WRAP53: variants seen among roughly 807,000 people sequenced by gnomAD.
WRAP53 encodes the protein telomerase Cajal body protein 1.
A neutral mutation model predicts 56.6 loss-of-function variants in WRAP53; 28 were observed. The ratio of observed to expected loss-of-function variants is 0.50; its 90% CI spans 0.37 to 0.68. The LOEUF is 0.68. Ranked by LOEUF, WRAP53 falls within the 30% of genes least tolerant of loss-of-function variation. The probability of loss-of-function intolerance (pLI) is 0.00; values close to 1 mark genes in which losing one functional copy is unlikely to be tolerated. For missense variants in WRAP53, 671 were observed against 715.5 expected, an observed-to-expected ratio of 0.94 and a Z score of 0.71; for synonymous variants, 283 against 283.4, an observed-to-expected ratio of 1.00 and a Z score of 0.01.
chr17:7,700,856 C>A, intron 5 of WRAP53, 27 bp downstream of exon 5: 1 of 1,547,008 alleles, frequency 6.5e-7, no homozygotes, highest in Non-Finnish European at 8.9e-7. Flanking sequence ...TCCCTGCTCG[C>A]CGCCCCACCA....
rs538474084 is a variant in WRAP53 at position 7,702,424 on chromosome 17, G to A, written c.1036G>A (p.Gly346Ser). Residue 346 changes from glycine to serine, a missense_variant, in exon 8 of 11, where the codon GGC (glycine) becomes AGC (serine). Around this residue, in one of 3 missense-constraint regions of WRAP53, gnomAD observed 158 missense variants for 215.7 expected, o/e 0.73. Coordinates refer to ENST00000396463, the MANE Select transcript of WRAP53 (RefSeq NM_001143992.2). The surrounding 1 kb of genome is among the most constrained non-coding windows in gnomAD (Gnocchi z 5.0). Reference sequence around the variant, plus strand: ...GCCCCTCTATGCCTGTGGCTCCTACGGCCGCTCCCTGGGTCTGTATGCCTG... The same window carrying A: ...GCCCCTCTATGCCTGTGGCTCCTACAGCCGCTCCCTGGGTCTGTATGCCTG... ...AQPLYACGSY[G>S]RSLGLYAWDD... is the part of the protein sequence containing the mutation. 4 of 1,614,068 alleles carry A rather than the reference G, an allele frequency of 2.5e-6. No homozygotes were observed. The highest frequency in any genetic ancestry group is 1.7e-5 in the Admixed American group (1 of 60,008).
Position 7,689,090 on chromosome 17 carries a change from A to G in WRAP53, c.431+11A>G. 6.2e-7 allele frequency: 1 copy of G among 1,614,114 alleles called. No homozygotes were observed. The highest frequency in any genetic ancestry group is 8.5e-7 in the Non-Finnish European group (1 of 1,179,988). ...GGACGAGGGAGACACGTAAGTGGTG[A>G]TGGCAGTGGAGTGTGGAGTCTGGGG... is the stretch of plus-strand genomic sequence containing the variant. On this transcript the variant is annotated intron_variant, in intron 2 of 10. Coordinates refer to ENST00000396463, the MANE Select transcript of WRAP53 (RefSeq NM_001143992.2).
In WRAP53 at chr17:7,688,863, C is replaced by A; in HGVS notation, c.215C>A (p.Pro72Gln). 1 of 1,614,220 alleles carries A rather than the reference C, an allele frequency of 6.2e-7. No individual in the cohort carries two copies. Among genetic ancestry groups the A allele is most frequent in the Non-Finnish European group, 8.5e-7 (1 of 1,180,046 alleles). The change falls in exon 2 of 11, where the codon CCA becomes CAA. Residue 72 changes from proline to glutamine, a missense_variant. By Grantham distance (76) the Pro-to-Gln change is moderately conservative. Coordinates refer to ENST00000396463, the MANE Select transcript of WRAP53 (RefSeq NM_001143992.2). ...TCCCAGGAGCTACGGGAGGGGGACC[C>A]AGTTTCTCTCTCCACTCCCCTGGAA... is the stretch of plus-strand genomic sequence containing the variant. ...AVSQELREGD[P>Q]VSLSTPLETE...
At position 7,701,833 on chromosome 17, in the gene WRAP53, T is replaced by C. The variant is rs1250424960; in HGVS notation, c.955+44T>C. 1.3e-6 allele frequency: 2 copies of C among 1,599,678 alleles called. No individual in the cohort carries two copies. The highest frequency in any genetic ancestry group is 2.2e-5 in the South Asian group (2 of 89,372). ...AAGGGAGGAGGAGAGGGAAGGGCAC[T>C]GCCACCTGCACAGGGGCCTTTTGTG... On this transcript the variant is annotated intron_variant, in intron 7 of 10. Coordinates refer to ENST00000396463, the MANE Select transcript of WRAP53 (RefSeq NM_001143992.2). The surrounding 1 kb of genome is among the most constrained non-coding windows in gnomAD (Gnocchi z 4.2).
intron 4 of WRAP53, among the ~76,000 whole-genome samples, chr17:7,700,085 G>A (rs1292606336): frequency 6.7e-6 from 1 of 150,050 alleles, no homozygotes; most frequent in Non-Finnish European, 1.5e-5. Flanking sequence ...CTGTCTCTCT[G>A]TCACCTAGGG....
In WRAP53 at chr17:7,689,317, T is replaced by TAAGGATTGA; in HGVS notation, c.528_529insGATTGAAAG (p.Lys176_Trp177insAspTer). The TAAGGATTGA allele has an allele frequency of 1.2e-6, 2 of 1,613,968 alleles. No individual in the cohort carries two copies. The highest frequency in any genetic ancestry group is 1.7e-6 in the Non-Finnish European group (2 of 1,179,968). ...AACCTGAGAACTTCTTGAAAGGCTGTAAGTGGTAAGGATAACAACGGGGCA... is the reference window on the plus strand; with the variant it reads ...AACCTGAGAACTTCTTGAAAGGCTGTAAGGATTGAAAGTGGTAAGGATAACAACGGGGCA... On this transcript the variant is annotated stop_gained and inframe_insertion, in exon 3 of 11. Coordinates refer to ENST00000396463, the MANE Select transcript of WRAP53 (RefSeq NM_001143992.2). LOFTEE classifies it high-confidence loss of function.
At chr17:7,692,743 C>G (rs915748632) in intron 4 of WRAP53, among the ~76,000 whole-genome samples, 3 of 137,966 alleles carry the variant, frequency 2.2e-5, no homozygotes, top group African/African-American at 8.3e-5. Flanking sequence ...TTGGGTCATT[C>G]TCCTTTTTTT....
In WRAP53 at chr17:7,700,729, G is replaced by A. The variant is rs748560120; in HGVS notation, c.643-12G>A. Reference sequence around the variant, plus strand: ...CTCCGAGTGACTCAGCCATTCCCCCGTCTCTGTATAGGTCCCTGTCCTTCG... The same window carrying A: ...CTCCGAGTGACTCAGCCATTCCCCCATCTCTGTATAGGTCCCTGTCCTTCG... On this transcript the variant is annotated splice_polypyrimidine_tract_variant and intron_variant, in intron 4 of 10. Coordinates refer to ENST00000396463, the MANE Select transcript of WRAP53 (RefSeq NM_001143992.2). 6 of 1,605,088 alleles carry A rather than the reference G, an allele frequency of 3.7e-6. No homozygotes were observed. The highest frequency in any genetic ancestry group is 4.5e-5 in the East Asian group (2 of 44,728).
Position 7,701,844 on chromosome 17 carries a change from C to T in WRAP53, c.955+55C>T, listed in dbSNP as rs780620391. The T allele has an allele frequency of 1.3e-6, 2 of 1,589,268 alleles. No individual in the cohort carries two copies. Among genetic ancestry groups the T allele is most frequent in the Non-Finnish European group, 1.7e-6 (2 of 1,167,978 alleles). On this transcript the variant is annotated intron_variant, in intron 7 of 10. Transcript: ENST00000396463. The surrounding 1 kb of genome is among the most constrained non-coding windows in gnomAD (Gnocchi z 4.2). ...AGAGGGAAGGGCACTGCCACCTGCA[C>T]AGGGGCCTTTTGTGAGCCGGGGGCC...
At chr17:7,691,200 C>A (rs2074102756) in intron 4 of WRAP53, among the ~76,000 whole-genome samples, 2 of 149,070 alleles carry the variant, frequency 1.3e-5, no homozygotes, top group Non-Finnish European at 3.0e-5. Flanking sequence ...CAGAGTGAGA[C>A]TCCATCCCAA....
At chr17:7,691,771 T>C (rs539472555) in intron 4 of WRAP53, among the ~76,000 whole-genome samples, 1 of 151,968 alleles carries the variant, frequency 6.6e-6, no homozygotes, top group South Asian at 2.1e-4. Flanking sequence ...GTGATCCACC[T>C]GCCTCAGCCT....
At chr17:7,696,316 T>TTTG (rs2074184098) in intron 4 of WRAP53, among the ~76,000 whole-genome samples, 1 of 145,368 alleles carries the variant, frequency 6.9e-6, no homozygotes, top group African/African-American at 2.6e-5. Context: ...TTTTTTTTTT[T>TTTG]GAAATGGAGT....
intron 4 of WRAP53, among the ~76,000 whole-genome samples, chr17:7,692,436 A>G (rs1443047778): frequency 6.6e-6 from 1 of 151,372 alleles, no homozygotes; most frequent in Non-Finnish European, 1.5e-5. Context: ...CCTGGCCAAC[A>G]TGATGAAACC....
intron 4 of WRAP53, among the ~76,000 whole-genome samples, chr17:7,696,000 C>G (rs1025342281): frequency 6.6e-6 from 1 of 152,080 alleles, no homozygotes; most frequent in African/African-American, 2.4e-5. Flanking sequence ...AGATGTGATT[C>G]CCTCCTTCTC....
At chr17:7,699,400 A>G (rs1343898444) in intron 4 of WRAP53, among the ~76,000 whole-genome samples, 2 of 141,724 alleles carry the variant, frequency 1.4e-5, no homozygotes, top group Non-Finnish European at 3.0e-5. Context: ...AGCCTGGGTG[A>G]CAGAGTGAGA....
At chr17:7,700,382 C>T (rs1046570168) in intron 4 of WRAP53, among the ~76,000 whole-genome samples, 1 of 151,786 alleles carries the variant, frequency 6.6e-6, no homozygotes, top group African/African-American at 2.4e-5. Context: ...CGGTGGCTCA[C>T]ACCTGTAATC....
intron 4 of WRAP53, among the ~76,000 whole-genome samples, chr17:7,691,035 C>A (rs2074100599): frequency 6.6e-6 from 1 of 152,040 alleles, no homozygotes; most frequent in Non-Finnish European, 1.5e-5. Flanking sequence ...CATGGCAAAA[C>A]CTCATCTCTA....
intron 4 of WRAP53, among the ~76,000 whole-genome samples, chr17:7,699,511 T>TATAC (rs1347352859): frequency 3.8e-5 from 1 of 26,216 alleles, no homozygotes; most frequent in Non-Finnish European, 6.1e-5. Flanking sequence ...TTTATATATA[T>TATAC]ATATATATAT....
rs375297133 is a variant in WRAP53 at position 7,702,986 on chromosome 17, C to G, written c.1269-7C>G. The G allele has an allele frequency of 3.7e-6, 6 of 1,613,784 alleles. No individual in the cohort carries two copies. The highest frequency in any genetic ancestry group is 5.1e-6 in the Non-Finnish European group (6 of 1,180,032). ...CTCTGCCAGCAAATCTCTCCTCTCT[C>G]TCGCAGGACCGGGCAGTTCCTAGTG... On this transcript the variant is annotated splice_region_variant and splice_polypyrimidine_tract_variant and intron_variant, in intron 9 of 10. Transcript: ENST00000396463. This position sits in a 1 kb window ranked among gnomAD's most constrained non-coding sequence, Gnocchi z 5.0.
Sources: allele counts gnomAD v4.1 joint callset (sites outside exome capture counted in the v4.1 genomes callset), GRCh38; gene constraint gnomAD v4.1.1; regional missense constraint gnomAD v4.1.1; non-coding constraint Gnocchi (gnomAD v3.1); transcripts MANE v1.5; gene names NCBI Gene and HGNC (gene_info 2026-07-23, HGNC 2026-07-21).